The following CEP57L1 variants were observed in gnomAD, a reference collection of about 807,000 sequenced individuals.
CEP57L1 encodes the protein centrosomal protein CEP57L1.
A neutral mutation model predicts 61.0 loss-of-function variants in CEP57L1; 37 were observed. The ratio of observed to expected loss-of-function variants is 0.61; its 90% CI spans 0.47 to 0.80. The LOEUF (loss-of-function observed/expected upper bound fraction) is 0.80. CEP57L1 is among the 30% of genes least tolerant of loss of function. CEP57L1 has a pLI of 0.00. For synonymous variants in CEP57L1, 137 were observed against 162.3 expected, an observed-to-expected ratio of 0.84 and a Z score of 1.19; for missense variants, 422 against 524.7, an observed-to-expected ratio of 0.80 and a Z score of 1.91.
intron 3 of CEP57L1, among the ~76,000 whole-genome samples, chr6:109,149,237 G>A (rs2114890312): frequency 1.3e-5 from 2 of 152,282 alleles, no homozygotes; most frequent in South Asian, 4.1e-4. Context: ...TTCTTCTAGA[G>A]TTTTTATGGT....
At chr6:109,130,239 T>G (rs557390139) in intron 1 of CEP57L1, among the ~76,000 whole-genome samples, 15 of 152,348 alleles carry the variant, frequency 9.8e-5, no homozygotes, top group African/African-American at 3.6e-4. Flanking sequence ...ACCACCATTC[T>G]ACCTTCTGTT....
intron 1 of CEP57L1, among the ~76,000 whole-genome samples, chr6:109,127,004 A>G (rs950500723): frequency 6.6e-6 from 1 of 152,130 alleles, no homozygotes; most frequent in South Asian, 2.1e-4. Context: ...CGTCTCTACT[A>G]AAAATACAAA....
intron 5 of CEP57L1, among the ~76,000 whole-genome samples, chr6:109,155,025 T>A: frequency 6.6e-6 from 1 of 152,048 alleles, no homozygotes; most frequent in East Asian, 1.9e-4. Context: ...TTCTTGTATG[T>A]AATAGAAGGT....
At chr6:109,155,169 G>A (rs1479446987) in intron 5 of CEP57L1, 61 bp from the exon 6 acceptor site, 1 of 1,034,374 alleles carries the variant, frequency 9.7e-7, no homozygotes, top group Admixed American at 2.4e-5. Context: ...ATTTGGAAAA[G>A]AAACAAATGA....
intron 1 of CEP57L1, among the ~76,000 whole-genome samples, chr6:109,102,108 C>A (rs1313398326): frequency 3.9e-5 from 6 of 152,204 alleles, no homozygotes; most frequent in Non-Finnish European, 8.8e-5. Flanking sequence ...TGTTGAGCAT[C>A]TTTTCATACG....
chr6:109,159,141 C>T lies in CEP57L1; in HGVS notation c.822+39C>T, dbSNP rs778136459. The T allele has an allele frequency of 2.5e-6, 4 of 1,613,884 alleles. No homozygotes were observed. The South Asian group carries it at 3.3e-5, about 13-fold the overall frequency. ...AAATGAAGATAGTCGTTCAAAAAAACTCCTGTTTTGTTGTAAGTGCTATTT... is the reference window on the plus strand; with the variant it reads ...AAATGAAGATAGTCGTTCAAAAAAATTCCTGTTTTGTTGTAAGTGCTATTT... On this transcript the variant is annotated intron_variant, in intron 8 of 10. Coordinates refer to ENST00000517392, the MANE Select transcript of CEP57L1 (RefSeq NM_001271852.3).
intron 7 of CEP57L1, 97 bp from the exon 8 acceptor site, chr6:109,158,928 A>T: frequency 1.6e-6 from 2 of 1,218,642 alleles, no homozygotes; most frequent in Non-Finnish European, 2.3e-6. Context: ...CCCATTTTCC[A>T]GTTGCATTGT....
rs143484252 is a variant in CEP57L1 at position 109,119,172 on chromosome 6, T to C, written c.-4+23597T>C. On this transcript the variant is annotated intron_variant, in intron 1 of 10. Coordinates refer to ENST00000517392, the MANE Select transcript of CEP57L1 (RefSeq NM_001271852.3). ...GAGAAAAGAACTAGATAATGAGTAATGGAGAGCCCTATATGCCCTGAGGAG... is the reference window on the plus strand; with the variant it reads ...GAGAAAAGAACTAGATAATGAGTAACGGAGAGCCCTATATGCCCTGAGGAG... 1.5e-3 allele frequency among the ~76,000 whole-genome samples: 233 copies of C among 152,272 alleles called. 1 individual carries two copies. The highest frequency in any genetic ancestry group is 5.6e-3 in the African/African-American group (231 of 41,558).
chr6:109,119,805 T>C (rs1033933499), intron 1 of CEP57L1, among the ~76,000 whole-genome samples: 15 of 152,186 alleles, frequency 9.9e-5, no homozygotes, highest in African/African-American at 3.6e-4. Flanking sequence ...AATCAAGCAT[T>C]TCACTTGAAA....
chr6:109,100,672 CAAA>C (rs539993641), intron 1 of CEP57L1, among the ~76,000 whole-genome samples: 2 of 74,050 alleles, frequency 2.7e-5, no homozygotes, highest in Non-Finnish European at 5.2e-5. Context: ...GAGATTGTCT[CAAA>C]AAAAAAAAAA....
At chr6:109,123,797 G>T (rs770574504) in intron 1 of CEP57L1, among the ~76,000 whole-genome samples, 1 of 152,150 alleles carries the variant, frequency 6.6e-6, no homozygotes, top group Non-Finnish European at 1.5e-5. Context: ...GGCCAGGCAT[G>T]GTGGTTCACA....
In CEP57L1 at chr6:109,168,474, C is replaced by CAA. The variant is rs1174691312; in HGVS notation, c.*5504_*5505insAA. ...CATTCACTTCCCTTATGAACTTAAG[C>CAA]CACTCAATTTCTGCATACTTCAGCC... is the stretch of plus-strand genomic sequence containing the variant. On this transcript the variant is annotated 3_prime_UTR_variant, in exon 11 of 11. Coordinates refer to ENST00000517392, the MANE Select transcript of CEP57L1 (RefSeq NM_001271852.3). Among the ~76,000 whole-genome samples, 3 of 152,108 alleles carry CAA rather than the reference C, an allele frequency of 2.0e-5. No individual in the cohort carries two copies. The highest frequency in any genetic ancestry group is 4.4e-5 in the Non-Finnish European group (3 of 68,018).
intron 1 of CEP57L1, chr6:109,140,471 C>T (rs1399890380): frequency 6.7e-6 from 1 of 149,892 alleles, no homozygotes; most frequent in African/African-American, 2.5e-5. Flanking sequence ...ACGATCTCGG[C>T]TCCCTGCAAC....
At chr6:109,115,349 G>T (rs552842299) in intron 1 of CEP57L1, among the ~76,000 whole-genome samples, 1 of 151,904 alleles carries the variant, frequency 6.6e-6, no homozygotes, top group Non-Finnish European at 1.5e-5. Context: ...TACTCTATTT[G>T]TAGGGAAAAC....
intron 5 of CEP57L1, among the ~76,000 whole-genome samples, chr6:109,154,747 C>T (rs1230337790): frequency 6.6e-6 from 1 of 152,016 alleles, no homozygotes; most frequent in Non-Finnish European, 1.5e-5. Context: ...ATAAGGGATC[C>T]TCAATCTGTA....
rs1774370984 is a variant in CEP57L1 at position 109,170,914 on chromosome 6, A to G, written c.*7944A>G. Among the ~76,000 whole-genome samples the G allele has an allele frequency of 6.6e-6, 1 of 152,246 alleles. No individual in the cohort carries two copies. The highest frequency in any genetic ancestry group is 2.1e-4 in the South Asian group (1 of 4,832). ...GGGAAAGTCAGTACCAGAGTTAAAA[A>G]CAAGTTACTTTAAAGATATCTGCTT... On this transcript the variant is annotated 3_prime_UTR_variant, in exon 11 of 11. Transcript: ENST00000517392.
At position 109,155,260 on chromosome 6, in the gene CEP57L1, A is replaced by G. The variant is rs1256066916; in HGVS notation, c.610A>G (p.Lys204Glu). 2 of 1,596,824 alleles carry G rather than the reference A, an allele frequency of 1.3e-6. No homozygotes were observed. Among genetic ancestry groups the G allele is most frequent in the Middle Eastern group, 1.7e-4 (1 of 5,996 alleles). Residue 204 changes from lysine (K) to glutamate (E), a missense_variant, in exon 6 of 11, where the codon AAG becomes GAG. Transcript: ENST00000517392. ...DKIKHLEEKL[K>E]EEEHQRKLFQ... ...GATTAAACATTTAGAAGAAAAACTT[A>G]AGGAAGAAGAACATCAGCGTAAGCT...
At chr6:109,101,854 C>A (rs1020256968) in intron 1 of CEP57L1, among the ~76,000 whole-genome samples, 1 of 152,156 alleles carries the variant, frequency 6.6e-6, no homozygotes, top group East Asian at 1.9e-4. Flanking sequence ...CTCCTGATCT[C>A]GTGATCCGCC....
chr6:109,099,396 G>A (rs1310187229), intron 1 of CEP57L1, among the ~76,000 whole-genome samples: 1 of 152,108 alleles, frequency 6.6e-6, no homozygotes, highest in African/African-American at 2.4e-5. Context: ...AATAAGTTAT[G>A]TTAAATGTTG....
Sources: allele counts gnomAD v4.1 joint callset (sites outside exome capture counted in the v4.1 genomes callset), GRCh38; gene constraint gnomAD v4.1.1; transcripts MANE v1.5; gene names NCBI Gene and HGNC (gene_info 2026-07-23, HGNC 2026-07-21).